TBCA: variants seen among roughly 807,000 people sequenced by gnomAD.
TBCA encodes tubulin-specific chaperone A.
TBCA carries 6 observed loss-of-function variants against 15.8 expected under a neutral mutation model. The observed-to-expected ratio is 0.38, with a 90% confidence interval of 0.21 to 0.75. The LOEUF (loss-of-function observed/expected upper bound fraction) is 0.75. Ranked by LOEUF, TBCA falls within the 30% of genes least tolerant of loss-of-function variation. The pLI, the probability that TBCA is intolerant of heterozygous loss-of-function variation, is 0.46. For synonymous variants in TBCA, 32 were observed against 42.3 expected (o/e 0.76, Z 0.94); for missense variants, 90 against 131.2 (o/e 0.69, Z 1.53).
At chr5:77,760,024 T>C (rs1037443696) in intron 1 of TBCA, among the ~76,000 whole-genome samples, 1 of 152,136 alleles carries the variant, frequency 6.6e-6, no homozygotes, top group African/African-American at 2.4e-5. Context: ...CAAGGCAAAA[T>C]AGGTTTATCT....
chr5:77,755,142 A>G (rs1027727175), intron 1 of TBCA, among the ~76,000 whole-genome samples: 5 of 152,238 alleles, frequency 3.3e-5, no homozygotes, highest in African/African-American at 1.2e-4. Context: ...CATACAGTGG[A>G]TTTTATCTCA....
intron 1 of TBCA, among the ~76,000 whole-genome samples, chr5:77,741,191 G>C (rs1446942162): frequency 1.3e-5 from 2 of 152,206 alleles, no homozygotes; most frequent in African/African-American, 4.8e-5. Context: ...TAGGGTTGTG[G>C]AGAAGATAAT....
At chr5:77,723,166 C>G (rs1284216583) in intron 1 of TBCA, among the ~76,000 whole-genome samples, 1 of 151,578 alleles carries the variant, frequency 6.6e-6, no homozygotes, top group African/African-American at 2.4e-5. Context: ...AAATCCAATT[C>G]AACTTTTCCT....
intron 1 of TBCA, among the ~76,000 whole-genome samples, chr5:77,736,125 G>A (rs1746897396): frequency 6.6e-6 from 1 of 152,080 alleles, no homozygotes; most frequent in South Asian, 2.1e-4. Flanking sequence ...ACGAGGTTAG[G>A]AGATCGAGAC....
At chr5:77,724,553 A>G (rs1336887817) in intron 1 of TBCA, among the ~76,000 whole-genome samples, 2 of 152,188 alleles carry the variant, frequency 1.3e-5, no homozygotes, top group Admixed American at 6.5e-5. Context: ...TAGTTATGGT[A>G]TAAGGGCATC....
chr5:77,758,431 G>C (rs1317677206), intron 1 of TBCA, among the ~76,000 whole-genome samples: 1 of 152,208 alleles, frequency 6.6e-6, no homozygotes, highest in Admixed American at 6.5e-5. Context: ...CCCCTAGATT[G>C]CTTAATCAAT....
At chr5:77,775,065 A>AC (rs1474314342) in intron 1 of TBCA, among the ~76,000 whole-genome samples, 1 of 151,986 alleles carries the variant, frequency 6.6e-6, no homozygotes, top group Non-Finnish European at 1.5e-5. Flanking sequence ...CTTCACTCTA[A>AC]AACAGTTCTG....
intron 2 of TBCA, among the ~76,000 whole-genome samples, chr5:77,707,599 G>C (rs1353253142): frequency 1.3e-5 from 2 of 152,102 alleles, no homozygotes; most frequent in African/African-American, 4.8e-5. Flanking sequence ...CTCATTTCTT[G>C]ATTCAAAATC....
chr5:77,738,568 T>C (rs931427706), intron 1 of TBCA, among the ~76,000 whole-genome samples: 4 of 152,158 alleles, frequency 2.6e-5, no homozygotes, highest in East Asian at 1.9e-4. Context: ...AGTTTGAAAA[T>C]AGATTCAAGT....
intron 1 of TBCA, among the ~76,000 whole-genome samples, chr5:77,756,186 G>A (rs766792310): frequency 6.6e-6 from 1 of 152,194 alleles, no homozygotes; most frequent in Non-Finnish European, 1.5e-5. Context: ...GGACTCAACA[G>A]TGTGTCACCA....
At chr5:77,741,604 A>C (rs1483056032) in intron 1 of TBCA, among the ~76,000 whole-genome samples, 1 of 152,228 alleles carries the variant, frequency 6.6e-6, no homozygotes, top group African/African-American at 2.4e-5. Flanking sequence ...AAGAGACCTA[A>C]AAGTTAAGGA....
Position 77,707,376 on chromosome 5 carries a change from G to A in TBCA, c.159+866C>T, listed in dbSNP as rs77877178. ...AAAGTGTTATGGGAGCAAAAAGGAG[G>A]GGCACCTAACTCAGTTTGAGGTGAG... On this transcript the variant is annotated intron_variant, in intron 2 of 3. Coordinates refer to ENST00000380377, the MANE Select transcript of TBCA (RefSeq NM_004607.3). 2.6e-5 allele frequency among the ~76,000 whole-genome samples: 4 copies of A among 152,070 alleles called. No homozygotes were observed. In the East Asian group the frequency reaches 7.8e-4, roughly 29 times the overall value.
At chr5:77,766,508 A>ATTTTT (rs1314362590) in intron 1 of TBCA, among the ~76,000 whole-genome samples, 2 of 36,078 alleles carry the variant, frequency 5.5e-5, no homozygotes, top group African/African-American at 1.4e-4. Context: ...TTATTTATTT[A>ATTTTT]TTTATTTTTT....
chr5:77,708,533 C>T (rs1746201457), intron 1 of TBCA, 186 bp from the exon 2 acceptor site: 1 of 410,162 alleles, frequency 2.4e-6, no homozygotes, highest in East Asian at 3.9e-5. Flanking sequence ...CTCTTAAGTC[C>T]TATACCTGCC....
intron 1 of TBCA, among the ~76,000 whole-genome samples, chr5:77,747,271 G>A (rs77678792): frequency 0.011 from 1,697 of 151,810 alleles, 20 homozygotes; most frequent in African/African-American, 0.031. Context: ...AAATCAAATC[G>A]AAGAACTACT....
intron 1 of TBCA, among the ~76,000 whole-genome samples, chr5:77,710,653 C>A (rs1746258334): frequency 6.6e-6 from 1 of 152,180 alleles, no homozygotes; most frequent in African/African-American, 2.4e-5. Context: ...ATTCCCACTA[C>A]TGGCTGGAGC....
intron 1 of TBCA, among the ~76,000 whole-genome samples, chr5:77,775,143 CAA>C (rs1208587178): frequency 1.3e-5 from 2 of 152,154 alleles, no homozygotes; most frequent in Non-Finnish European, 2.9e-5. Context: ...GAACAGAACT[CAA>C]AGTCACCCCT....
At chr5:77,751,192 T>C (rs1747327472) in intron 1 of TBCA, among the ~76,000 whole-genome samples, 1 of 139,068 alleles carries the variant, frequency 7.2e-6, no homozygotes, top group Admixed American at 7.5e-5. Context: ...TGAGACACAG[T>C]TTCGCTCTTG....
chr5:77,708,696 A>C (rs1341789354), intron 1 of TBCA: 1 of 156,198 alleles, frequency 6.4e-6, no homozygotes, highest in Non-Finnish European at 1.4e-5. Context: ...CAGCCTCCCG[A>C]GTAGCTGAGA....
Sources: allele counts gnomAD v4.1 joint callset (sites outside exome capture counted in the v4.1 genomes callset), GRCh38; gene constraint gnomAD v4.1.1; transcripts MANE v1.5; gene names NCBI Gene and HGNC (gene_info 2026-07-23, HGNC 2026-07-21).